ROR1: variants seen among roughly 807,000 people sequenced by gnomAD.
ROR1 encodes inactive tyrosine-protein kinase transmembrane receptor ROR1.
ROR1 carries 19 observed loss-of-function variants against 78.8 expected under a neutral mutation model. The ratio of observed to expected loss-of-function variants is 0.24; its 90% confidence interval spans 0.17 to 0.35. ROR1 has a LOEUF of 0.35. ROR1 is among the 10% of genes least tolerant of loss of function. ROR1 has a pLI of 1.00. For synonymous variants in ROR1, 386 were observed against 433.6 expected, an observed-to-expected ratio of 0.89 and a Z score of 1.36; for missense variants, 917 against 1,177.8, an observed-to-expected ratio of 0.78 and a Z score of 3.24.
At chr1:64,173,690 G>A (rs1185933762) in intron 8 of ROR1, among the ~76,000 whole-genome samples, 1 of 152,194 alleles carries the variant, frequency 6.6e-6, no homozygotes, top group Non-Finnish European at 1.5e-5. Flanking sequence ...AAGTATATGA[G>A]AACAAATTTG....
intron 1 of ROR1, among the ~76,000 whole-genome samples, chr1:63,893,141 A>AG (rs1037658642): frequency 1.6e-4 from 25 of 152,154 alleles, no homozygotes; most frequent in African/African-American, 5.8e-4. Context: ...TGTTTCTTCG[A>AG]GGGGAGATTG....
At chr1:63,991,278 GT>G (rs1646294148) in intron 1 of ROR1, among the ~76,000 whole-genome samples, 1 of 152,090 alleles carries the variant, frequency 6.6e-6, no homozygotes, top group Non-Finnish European at 1.5e-5. Context: ...TAAAGGACTG[GT>G]AGATTTACTT....
intron 2 of ROR1, among the ~76,000 whole-genome samples, chr1:64,035,384 T>A (rs1557620136): frequency 6.6e-6 from 1 of 152,236 alleles, no homozygotes; most frequent in East Asian, 1.9e-4. Context: ...TTTCTTGGAC[T>A]TTATATGCGA....
At chr1:64,135,344 G>A (rs1294287924) in intron 4 of ROR1, among the ~76,000 whole-genome samples, 2 of 152,176 alleles carry the variant, frequency 1.3e-5, no homozygotes, top group Non-Finnish European at 2.9e-5. Flanking sequence ...CCAGTAGGTT[G>A]GGGATTTATA....
Position 64,167,174 on chromosome 1 carries a change from T to C in ROR1, c.1386+7982T>C, listed in dbSNP as rs1650111111. Among the ~76,000 whole-genome samples, 3 of 152,164 alleles carry C rather than the reference T, an allele frequency of 2.0e-5. No individual in the cohort carries two copies. In the South Asian group the frequency reaches 6.2e-4, roughly 31 times the overall value. On this transcript the variant is annotated intron_variant, in intron 8 of 8. Coordinates refer to ENST00000371079, the MANE Select transcript of ROR1 (RefSeq NM_005012.4). ...CTACTGCCTTTATTTTCAGGCTGAC[T>C]GAAATATATGAGCCCAAGTTATGAG...
At chr1:64,167,961 C>T (rs2100737588) in intron 8 of ROR1, among the ~76,000 whole-genome samples, 1 of 152,344 alleles carries the variant, frequency 6.6e-6, no homozygotes, top group African/African-American at 2.4e-5. Context: ...GAAAGCTCTG[C>T]AACTTTGGTG....
At chr1:64,128,504 G>T (rs1357699283) in intron 4 of ROR1, among the ~76,000 whole-genome samples, 1 of 151,910 alleles carries the variant, frequency 6.6e-6, no homozygotes, top group Non-Finnish European at 1.5e-5. Flanking sequence ...AGGTTGGGTG[G>T]CTGGGGTGGG....
At chr1:64,060,457 G>T (rs962385763) in intron 4 of ROR1, among the ~76,000 whole-genome samples, 1 of 152,142 alleles carries the variant, frequency 6.6e-6, no homozygotes, top group African/African-American at 2.4e-5. Context: ...AGAGAACAAA[G>T]TGACCAGCTT....
intron 1 of ROR1, among the ~76,000 whole-genome samples, chr1:63,853,527 A>C (rs959466126): frequency 1.3e-5 from 2 of 152,220 alleles, no homozygotes; most frequent in Admixed American, 6.5e-5. Flanking sequence ...CATATATTCC[A>C]GAATCTTGAA....
intron 1 of ROR1, among the ~76,000 whole-genome samples, chr1:63,876,681 T>TGTGC (rs1458805941): frequency 2.4e-5 from 2 of 83,592 alleles, no homozygotes; most frequent in Non-Finnish European, 4.4e-5. Flanking sequence ...TGTGTGTGTG[T>TGTGC]GCGCGTGTGT....
At chr1:63,800,125 G>C (rs1248179174) in intron 1 of ROR1, among the ~76,000 whole-genome samples, 1 of 152,164 alleles carries the variant, frequency 6.6e-6, no homozygotes, top group African/African-American at 2.4e-5. Flanking sequence ...AGATGAGAAG[G>C]TTTGACTTAG....
At chr1:64,148,806 A>G (rs1649543643) in intron 7 of ROR1, among the ~76,000 whole-genome samples, 2 of 152,154 alleles carry the variant, frequency 1.3e-5, no homozygotes, top group Admixed American at 1.3e-4. Flanking sequence ...AAAAAAGACA[A>G]AAGTTGGTTT....
intron 1 of ROR1, among the ~76,000 whole-genome samples, chr1:64,008,841 G>A (rs577629948): frequency 6.6e-6 from 1 of 151,942 alleles, no homozygotes; most frequent in African/African-American, 2.4e-5. Context: ...CATCATGTTG[G>A]TCAGGCTGGT....
At chr1:64,018,098 A>G (rs1646535630) in intron 2 of ROR1, among the ~76,000 whole-genome samples, 1 of 152,108 alleles carries the variant, frequency 6.6e-6, no homozygotes, top group Non-Finnish European at 1.5e-5. Flanking sequence ...GCCTCAAGGT[A>G]CTTCCAGAAA....
At chr1:63,959,187 G>A (rs1024825313) in intron 1 of ROR1, among the ~76,000 whole-genome samples, 3 of 152,148 alleles carry the variant, frequency 2.0e-5, no homozygotes, top group African/African-American at 7.2e-5. Flanking sequence ...AGGGGGAAAA[G>A]CCCCTTATAA....
chr1:64,140,801 G>A (rs1033625918), intron 6 of ROR1, among the ~76,000 whole-genome samples: 1 of 152,162 alleles, frequency 6.6e-6, no homozygotes, highest in Non-Finnish European at 1.5e-5. Flanking sequence ...TGACCCAAAT[G>A]CCATCAGTAG....
In ROR1 at chr1:64,140,433, G is replaced by T. The variant is rs1206823648; in HGVS notation, c.928+7G>T. 1 of 1,611,368 alleles carries T rather than the reference G, an allele frequency of 6.2e-7. No homozygotes were observed. The highest frequency in any genetic ancestry group is 1.1e-5 in the South Asian group (1 of 90,982). ...GCAGATCCTATAAATAAAAGTAAGT[G>T]GTAGCCCCTGACCTTCTGTGCTCTT... On this transcript the variant is annotated splice_region_variant and intron_variant, in intron 6 of 8. Coordinates refer to ENST00000371079, the MANE Select transcript of ROR1 (RefSeq NM_005012.4).
At chr1:64,058,625 G>A (rs559879987) in intron 4 of ROR1, among the ~76,000 whole-genome samples, 1 of 147,044 alleles carries the variant, frequency 6.8e-6, no homozygotes, top group East Asian at 2.0e-4. Context: ...TTATATTAAT[G>A]TGATATATCA....
intron 1 of ROR1, among the ~76,000 whole-genome samples, chr1:63,978,093 G>A (rs1322628336): frequency 6.6e-6 from 1 of 152,080 alleles, no homozygotes; most frequent in African/African-American, 2.4e-5. Flanking sequence ...CATCCATGGC[G>A]GGTGCACACT....
Sources: gnomAD v4.1 joint callset for allele counts (sites outside exome capture counted in the v4.1 genomes callset) on GRCh38, gnomAD v4.1.1 for gene constraint, MANE v1.5 for transcripts, NCBI Gene and HGNC (gene_info 2026-07-23, HGNC 2026-07-21) for gene names.